Variants in INPP5B observed in about 807,000 individuals in gnomAD.
INPP5B encodes the protein type II inositol 1,4,5-trisphosphate 5-phosphatase.
In INPP5B, 90 loss-of-function variants were observed where a neutral mutation model predicts 118.5. The ratio of observed to expected loss-of-function variants is 0.76; its 90% confidence interval spans 0.64 to 0.90. The LOEUF (loss-of-function observed/expected upper bound fraction) is 0.90. Among genes scored for constraint, INPP5B ranks in the 40% least tolerant of loss-of-function variants. INPP5B has a pLI of 0.00. For synonymous variants in INPP5B, 385 were observed against 418.9 expected, an observed-to-expected ratio of 0.92 and a Z score of 0.99; for missense variants, 984 against 1,125.6, an observed-to-expected ratio of 0.87 and a Z score of 1.80.
intron 7 of INPP5B, among the ~76,000 whole-genome samples, chr1:37,918,768 A>G (rs910520435): frequency 6.6e-6 from 1 of 152,176 alleles, no homozygotes; most frequent in Non-Finnish European, 1.5e-5. Context: ...GGATAAACAA[A>G]TACAATCTAC....
chr1:37,902,077 C>T (rs1053160025), intron 7 of INPP5B, among the ~76,000 whole-genome samples: 4 of 151,948 alleles, frequency 2.6e-5, no homozygotes, highest in Admixed American at 2.6e-4. Context: ...CCTCTGTGTC[C>T]TGAGTTGAAG....
Position 37,889,732 on chromosome 1 carries a change from A to C in INPP5B, c.630-8T>G. 1 of 1,601,252 alleles carries C rather than the reference A, an allele frequency of 6.2e-7. No individual in the cohort carries two copies. The highest frequency in any genetic ancestry group is 8.5e-7 in the Non-Finnish European group (1 of 1,173,058). On this transcript the variant is annotated splice_polypyrimidine_tract_variant and splice_region_variant and intron_variant, in intron 8 of 23. Coordinates refer to ENST00000373024, the MANE Select transcript of INPP5B (RefSeq NM_005540.3). The stretch of plus-strand genomic sequence containing the variant: ...GACTTGGATTTATTCTGTCTGGAAA[A>C]ACAGAAGTATTTTTTTCATATGTGG...
chr1:37,898,634 G>A (rs1644214054), intron 7 of INPP5B, among the ~76,000 whole-genome samples: 1 of 151,750 alleles, frequency 6.6e-6, no homozygotes, highest in African/African-American at 2.4e-5. Context: ...GGTGGAGCTT[G>A]CAGTGAGCCG....
intron 14 of INPP5B, 40 bp downstream of exon 14, chr1:37,882,767 A>G: frequency 6.7e-7 from 1 of 1,496,282 alleles, no homozygotes; most frequent in Non-Finnish European, 9.3e-7. Flanking sequence ...CTCATGGTGG[A>G]GGACAGCTGC....
rs570600200 is a variant in INPP5B at position 37,937,752 on chromosome 1, G to A, written c.391+2936C>T. On this transcript the variant is annotated intron_variant, in intron 6 of 23. Coordinates refer to ENST00000373024, the MANE Select transcript of INPP5B (RefSeq NM_005540.3). ...ACTGCACTCCAGCCTGGGCGACAGA[G>A]CCAGACTTTGTCTCAAAAAATAAAA... Among the ~76,000 whole-genome samples the A allele has an allele frequency of 2.6e-5, 4 of 151,646 alleles. No homozygotes were observed. The South Asian group carries it at 8.3e-4, about 32-fold the overall frequency.
Position 37,885,788 on chromosome 1 carries a change from T to C in INPP5B, c.1169A>G (p.His390Arg), listed in dbSNP as rs1276002358. The change falls in exon 13 of 24, where the codon CAC becomes CGC. Residue 390 changes from histidine (H) to arginine (R), a missense_variant. His to Arg is a conservative substitution (Grantham distance 29, BLOSUM62 0). This residue lies in a region of INPP5B where 634 missense variants were observed against 791.0 expected (regional missense o/e 0.80). Coordinates refer to ENST00000373024, the MANE Select transcript of INPP5B (RefSeq NM_005540.3). Reference protein sequence around the residue: ...KGGVAIRFQFHNTSICVVNSH... With the variant: ...KGGVAIRFQFRNTSICVVNSH... The stretch of plus-strand genomic sequence containing the variant: ...ATTCACAACGCAGATGCTGGTGTTG[T>C]GGAACTGGAACCTGATCGCCACGCC... 7 of 1,614,046 alleles carry C rather than the reference T, an allele frequency of 4.3e-6. No individual in the cohort carries two copies. The highest frequency in any genetic ancestry group is 5.9e-6 in the Non-Finnish European group (7 of 1,180,004).
At chr1:37,896,656 GC>G in intron 7 of INPP5B, among the ~76,000 whole-genome samples, 1 of 136,036 alleles carries the variant, frequency 7.4e-6, no homozygotes, top group African/African-American at 2.8e-5. Context: ...GGGCGCCTCT[GC>G]CCGGCCGCCC....
rs529944819 is a variant in INPP5B, at chr1:37,901,013, T to A, written c.533-9559A>T. Among the ~76,000 whole-genome samples the A allele has an allele frequency of 2.0e-5, 3 of 152,236 alleles. No homozygotes were observed. In the South Asian group the frequency reaches 6.2e-4, roughly 32 times the overall value. ...TTTTCGTAGAGATGGGATTTCACAA[T>A]GTTGGTCAGGCTGGTCTCGAACTCC... On this transcript the variant is annotated intron_variant, in intron 7 of 23. Transcript: ENST00000373024.
chr1:37,891,894 G>T (rs779359097), intron 7 of INPP5B, among the ~76,000 whole-genome samples: 19 of 152,300 alleles, frequency 1.2e-4, no homozygotes, highest in African/African-American at 4.1e-4. Context: ...TTGCTTCAAA[G>T]GGCCTATGCT....
Position 37,861,579 on chromosome 1 carries a change from A to T in INPP5B, c.*736T>A, listed in dbSNP as rs1227556907. The T allele has an allele frequency of 1.3e-5, 2 of 152,084 alleles. No individual in the cohort carries two copies. Among genetic ancestry groups the T allele is most frequent in the Non-Finnish European group, 2.9e-5 (2 of 68,076 alleles). 9.4% of individuals were successfully genotyped at this position (152,084 alleles called of 1,614,324 possible). On this transcript the variant is annotated 3_prime_UTR_variant, in exon 24 of 24. Transcript: ENST00000373024. ...TGTCTATACTAAAAACACACAAAAA[A>T]ATTAGCCAGGCATGGTGGCGGACGC...
chr1:37,903,195 G>A (rs1644391823), intron 7 of INPP5B, among the ~76,000 whole-genome samples: 1 of 152,094 alleles, frequency 6.6e-6, no homozygotes, highest in Non-Finnish European at 1.5e-5. Context: ...ATGAGGGTCG[G>A]CACAAGGCAC....
rs189107362 is a variant in INPP5B, at chr1:37,874,744, C to T, written c.1789-589G>A. Among the ~76,000 whole-genome samples, 656 of 152,252 alleles carry T rather than the reference C, an allele frequency of 4.3e-3. 3 individuals are homozygous for T. The highest frequency in any genetic ancestry group is 6.4e-3 in the Non-Finnish European group (432 of 68,026). On this transcript the variant is annotated intron_variant, in intron 17 of 23. Coordinates refer to ENST00000373024, the MANE Select transcript of INPP5B (RefSeq NM_005540.3). ...CTAGGAGGCGGAGGTTGCAGTGAGC[C>T]GAGATCGTGCCATTGCACTCCAGCC...
chr1:37,917,349 G>T, intron 7 of INPP5B, among the ~76,000 whole-genome samples: 1 of 102,236 alleles, frequency 9.8e-6, no homozygotes, highest in Non-Finnish European at 2.1e-5. Context: ...TTTGAGAAAG[G>T]GTCACGCTCT....
chr1:37,868,257 G>A (rs1300257068), intron 20 of INPP5B, among the ~76,000 whole-genome samples: 3 of 147,280 alleles, frequency 2.0e-5, no homozygotes, highest in South Asian at 2.1e-4. Context: ...AGGTTGCAGT[G>A]AGTCAAGATC....
intron 7 of INPP5B, among the ~76,000 whole-genome samples, chr1:37,911,786 T>C (rs1459884002): frequency 2.0e-5 from 3 of 152,152 alleles, no homozygotes; most frequent in Admixed American, 6.5e-5. Context: ...CTCAAGGCTG[T>C]TTTACTTCCA....
chr1:37,934,776 C>T (rs1247655430), intron 6 of INPP5B, among the ~76,000 whole-genome samples: 1 of 152,162 alleles, frequency 6.6e-6, no homozygotes, highest in African/African-American at 2.4e-5. Context: ...GACACACACC[C>T]AATCCTAAAA....
intron 18 of INPP5B, 120 bp downstream of exon 18, chr1:37,873,872 TA>T: frequency 1.5e-6 from 1 of 677,958 alleles, no homozygotes; most frequent in Non-Finnish European, 2.2e-6. Flanking sequence ...TAGGGCTTTT[TA>T]AAAAGCCTCA....
At chr1:37,866,032 AC>A in intron 21 of INPP5B, 144 bp from the exon 22 acceptor site, 1 of 1,348,338 alleles carries the variant, frequency 7.4e-7, no homozygotes, top group Non-Finnish European at 9.9e-7. Flanking sequence ...TCTCGAAGGG[AC>A]CACACTGTTT....
intron 7 of INPP5B, among the ~76,000 whole-genome samples, chr1:37,894,052 G>A (rs572145245): frequency 6.6e-6 from 1 of 152,208 alleles, no homozygotes; most frequent in African/African-American, 2.4e-5. Context: ...GAGTGTGGCT[G>A]CATTCTAACG....
Sources: gnomAD v4.1 joint callset for allele counts (sites outside exome capture counted in the v4.1 genomes callset) on GRCh38, gnomAD v4.1.1 for gene constraint, gnomAD v4.1.1 regional missense constraint, MANE v1.5 for transcripts, NCBI Gene and HGNC (gene_info 2026-07-23, HGNC 2026-07-21) for gene names.